Variants in LUZP2 observed in about 807,000 individuals in gnomAD.
LUZP2 encodes leucine zipper protein 2.
In LUZP2, 52 loss-of-function variants were observed where a neutral mutation model predicts 51.6. The ratio of observed to expected loss-of-function variants is 1.01; its 90% CI spans 0.81 to 1.27. The LOEUF (loss-of-function observed/expected upper bound fraction) is 1.27. LUZP2 is among the 50% of genes most tolerant of loss of function. LUZP2 has a pLI of 0.00. For missense variants in LUZP2, 436 were observed against 395.4 expected (o/e 1.10, Z -0.87); for synonymous variants, 154 against 137.3 (o/e 1.12, Z -0.85).
intron 7 of LUZP2, among the ~76,000 whole-genome samples, chr11:24,953,697 T>G (rs1590768152): frequency 6.6e-6 from 1 of 152,032 alleles, no homozygotes. Context: ...TGGAAGAATA[T>G]AAGAATCCTG....
At chr11:24,799,075 C>A (rs1480160475) in intron 5 of LUZP2, among the ~76,000 whole-genome samples, 1 of 152,164 alleles carries the variant, frequency 6.6e-6, no homozygotes, top group African/African-American at 2.4e-5. Context: ...CTGTGTCTCA[C>A]TGTCATTTTC....
At chr11:24,687,249 TAA>T (rs5790427) in intron 1 of LUZP2, among the ~76,000 whole-genome samples, 3 of 151,898 alleles carry the variant, frequency 2.0e-5, no homozygotes, top group Non-Finnish European at 2.9e-5. Flanking sequence ...TGTGACAAAA[TAA>T]AAAAAAAATT....
At chr11:25,049,487 A>G (rs1037851285) in intron 9 of LUZP2, among the ~76,000 whole-genome samples, 4 of 151,818 alleles carry the variant, frequency 2.6e-5, no homozygotes, top group African/African-American at 4.8e-5. Flanking sequence ...TTTATTTTCA[A>G]TTGTGTTTCT....
chr11:24,843,061 C>T (rs886083117), intron 5 of LUZP2, among the ~76,000 whole-genome samples: 1 of 151,678 alleles, frequency 6.6e-6, no homozygotes, highest in Non-Finnish European at 1.5e-5. Context: ...GATGTAAGTG[C>T]AAATGCCAAA....
chr11:24,589,684 T>A (rs1853193058), intron 1 of LUZP2, among the ~76,000 whole-genome samples: 1 of 152,196 alleles, frequency 6.6e-6, no homozygotes, highest in Non-Finnish European at 1.5e-5. Context: ...GTGCAGTAGA[T>A]ACATAATTAT....
chr11:24,609,728 T>A, intron 1 of LUZP2, among the ~76,000 whole-genome samples: 2 of 32,402 alleles, frequency 6.2e-5, no homozygotes, highest in South Asian at 1.5e-3. Context: ...AGACTCCAGC[T>A]CAAAAAAAAA....
At chr11:25,007,404 A>G (rs1856862546) in intron 9 of LUZP2, among the ~76,000 whole-genome samples, 1 of 152,172 alleles carries the variant, frequency 6.6e-6, no homozygotes, top group Non-Finnish European at 1.5e-5. Flanking sequence ...GGAGTTCAAG[A>G]CCAGCCTGGC....
At chr11:24,843,755 T>C (rs994197899) in intron 5 of LUZP2, among the ~76,000 whole-genome samples, 1 of 152,100 alleles carries the variant, frequency 6.6e-6, no homozygotes, top group Non-Finnish European at 1.5e-5. Context: ...GATTGAATTA[T>C]GGGGGCGGGT....
intron 5 of LUZP2, among the ~76,000 whole-genome samples, chr11:24,812,882 T>A (rs1850061250): frequency 6.6e-6 from 1 of 152,144 alleles, no homozygotes; most frequent in Non-Finnish European, 1.5e-5. Flanking sequence ...AAGATGCACA[T>A]GGAATTCTTA....
chr11:24,925,860 TACCCAA>T (rs1214313763), intron 7 of LUZP2, among the ~76,000 whole-genome samples: 2 of 152,098 alleles, frequency 1.3e-5, no homozygotes, highest in Non-Finnish European at 2.9e-5. Flanking sequence ...GAGTACACTG[TACCCAA>T]TGTGTAGTCA....
At position 24,617,215 on chromosome 11, in the gene LUZP2, A is replaced by ATT. The variant is rs35027145; in HGVS notation, c.63-111945_63-111944dup. Among the ~76,000 whole-genome samples, 5 of 147,982 alleles carry ATT rather than the reference A, an allele frequency of 3.4e-5. No homozygotes were observed. The East Asian group carries it at 1.0e-3, about 30-fold the overall frequency. ...TTTCTATCAATCTTCATGTTCACTG[A>ATT]TTTTTTTTTTCCCTCTGTACTTTCT... On this transcript the variant is annotated intron_variant, in intron 1 of 11. Transcript: ENST00000336930.
At chr11:24,861,892 T>G (rs935316554) in intron 5 of LUZP2, among the ~76,000 whole-genome samples, 10 of 152,090 alleles carry the variant, frequency 6.6e-5, no homozygotes, top group African/African-American at 2.4e-4. Context: ...CAGCTTCTGG[T>G]CAACATAAGT....
At chr11:24,527,710 A>T (rs568894344) in intron 1 of LUZP2, among the ~76,000 whole-genome samples, 1 of 151,262 alleles carries the variant, frequency 6.6e-6, no homozygotes, top group Admixed American at 6.6e-5. Context: ...GCCTTGAGAA[A>T]ATCAGACTTT....
At chr11:24,527,057 A>G (rs1330461199) in intron 1 of LUZP2, among the ~76,000 whole-genome samples, 1 of 151,352 alleles carries the variant, frequency 6.6e-6, no homozygotes, top group Non-Finnish European at 1.5e-5. Context: ...AATCCAAACA[A>G]TGAGTCAGTG....
intron 4 of LUZP2, among the ~76,000 whole-genome samples, chr11:24,749,807 A>G (rs974661777): frequency 6.6e-6 from 1 of 152,056 alleles, no homozygotes; most frequent in African/African-American, 2.4e-5. Context: ...GTGGTTTGCC[A>G]GGGGCTCTCA....
chr11:24,902,288 ATTTT>A (rs1037592847), intron 5 of LUZP2, among the ~76,000 whole-genome samples: 3 of 152,020 alleles, frequency 2.0e-5, no homozygotes, highest in East Asian at 1.9e-4. Context: ...CCCAATAGTT[ATTTT>A]TTCTGATCCT....
At chr11:24,603,764 T>C (rs574982447) in intron 1 of LUZP2, among the ~76,000 whole-genome samples, 42 of 151,152 alleles carry the variant, frequency 2.8e-4, no homozygotes, top group Admixed American at 1.3e-3. Flanking sequence ...ATTAACAAAG[T>C]AAAGAATTTA....
intron 5 of LUZP2, among the ~76,000 whole-genome samples, chr11:24,878,112 T>TTTTTTTTTTTTTTTA (rs1852334937): frequency 6.7e-6 from 1 of 149,092 alleles, no homozygotes; most frequent in Non-Finnish European, 1.5e-5. Flanking sequence ...TTTTTTTTTT[T>TTTTTTTTTTTTTTTA]TTTTTGGTGA....
rs528112983 is a variant in LUZP2, at chr11:25,052,590, T to C, written c.858+2460T>C. Reference sequence around the variant, plus strand: ...AAACTAGAGAGACTGTTTTTTGCCTTGTATAAATTTAGCCATAATATTCTG... The same window carrying C: ...AAACTAGAGAGACTGTTTTTTGCCTCGTATAAATTTAGCCATAATATTCTG... On this transcript the variant is annotated intron_variant, in intron 10 of 11. Coordinates refer to ENST00000336930, the MANE Select transcript of LUZP2 (RefSeq NM_001009909.4). Among the ~76,000 whole-genome samples, 85 of 152,300 alleles carry C rather than the reference T, an allele frequency of 5.6e-4. 1 individual carries two copies. Among genetic ancestry groups the C allele is most frequent in the Middle Eastern group, 3.4e-3 (1 of 294 alleles).
Sources: allele counts gnomAD v4.1 joint callset (sites outside exome capture counted in the v4.1 genomes callset), GRCh38; gene constraint gnomAD v4.1.1; transcripts MANE v1.5; gene names NCBI Gene and HGNC (gene_info 2026-07-23, HGNC 2026-07-21).